EPRS1: variants seen among roughly 807,000 people sequenced by gnomAD.
EPRS1 encodes the protein bifunctional glutamate/proline--tRNA ligase.
EPRS1 carries 107 observed loss-of-function variants against 188.3 expected under a neutral mutation model. The ratio of observed to expected loss-of-function variants is 0.57; its 90% CI spans 0.49 to 0.67. The LOEUF (loss-of-function observed/expected upper bound fraction) is 0.67, where lower values mean the gene tolerates loss of function less well. Ranked by LOEUF, EPRS1 falls within the 30% of genes least tolerant of loss-of-function variation. The pLI is 0.00. For missense variants in EPRS1, 1,577 were observed against 1,802.2 expected, an observed-to-expected ratio of 0.88 and a Z score of 2.26; for synonymous variants, 596 against 593.1, an observed-to-expected ratio of 1.00 and a Z score of -0.07.
In EPRS1 at chr1:219,979,558, CA is replaced by C. The variant is rs1478895782; in HGVS notation, c.3768del (p.Phe1256LeufsTer20). 3 of 1,613,844 alleles carry C rather than the reference CA, an allele frequency of 1.9e-6. No homozygotes were observed. Among genetic ancestry groups the C allele is most frequent in the Non-Finnish European group, 1.7e-6 (2 of 1,179,936 alleles). The part of the protein sequence containing the change: ...QNFSKMFEIV[F>X]EDPKIPGEKQ... ...TTCTCTCCTGGTATCTTTGGATCTT[CA>C]AAAACGATTTCAAACATTTTGGAAA... On this transcript the variant is annotated frameshift_variant, in exon 27 of 32. Transcript: ENST00000366923. LOFTEE classifies it high-confidence loss of function.
At chr1:220,014,102 C>A (rs1012343976) in intron 12 of EPRS1, among the ~76,000 whole-genome samples, 1 of 152,084 alleles carries the variant, frequency 6.6e-6, no homozygotes, top group Non-Finnish European at 1.5e-5. Context: ...CCGAAGTGGG[C>A]GGATCACCTG....
At chr1:220,027,352 C>A (rs571428476) in intron 6 of EPRS1, among the ~76,000 whole-genome samples, 2 of 151,550 alleles carry the variant, frequency 1.3e-5, no homozygotes, top group Admixed American at 1.3e-4. Context: ...GGCGTGAACC[C>A]GGGAGGTGGA....
intron 12 of EPRS1, among the ~76,000 whole-genome samples, chr1:220,011,895 G>C (rs1159106971): frequency 6.6e-6 from 1 of 152,190 alleles, no homozygotes; most frequent in Non-Finnish European, 1.5e-5. Flanking sequence ...GATGAAAGCA[G>C]AGTCAAACAG....
chr1:220,044,609 G>A (rs1273360072), intron 1 of EPRS1, among the ~76,000 whole-genome samples: 2 of 141,252 alleles, frequency 1.4e-5, no homozygotes, highest in Non-Finnish European at 3.0e-5. Flanking sequence ...ACCTCTAAGC[G>A]CAACTACTCG....
At chr1:220,004,772 GA>G (rs549728496) in intron 16 of EPRS1, among the ~76,000 whole-genome samples, 91 of 149,406 alleles carry the variant, frequency 6.1e-4, no homozygotes, top group African/African-American at 1.2e-3. Context: ...AAACAGAAAA[GA>G]AAAAAAAGGG....
At chr1:219,975,924 A>G (rs1453034736) in intron 28 of EPRS1, among the ~76,000 whole-genome samples, 3 of 152,166 alleles carry the variant, frequency 2.0e-5, no homozygotes, top group Admixed American at 1.3e-4. Context: ...TGATAGCTCA[A>G]AAGCAATGAG....
intron 10 of EPRS1, 56 bp from the exon 11 acceptor site, chr1:220,019,135 G>C (rs968791856): frequency 2.9e-6 from 3 of 1,022,306 alleles, no homozygotes; most frequent in Non-Finnish European, 4.6e-6. Flanking sequence ...TAGATGTGGA[G>C]AGTAGAAGAT....
chr1:219,990,481 T>A (rs1460976822), intron 18 of EPRS1, among the ~76,000 whole-genome samples: 2 of 152,144 alleles, frequency 1.3e-5, no homozygotes, highest in African/African-American at 4.8e-5. Flanking sequence ...ACGTGGTATC[T>A]TATTTAACTC....
chr1:220,018,850 TAAA>T (rs34320023), intron 11 of EPRS1, 142 bp downstream of exon 11: 1,218 of 354,294 alleles, frequency 3.4e-3, no homozygotes, highest in Non-Finnish European at 4.3e-3. Context: ...AAGTTTGTTT[TAAA>T]AAAAAAAAAA....
intron 11 of EPRS1, 74 bp downstream of exon 11, chr1:220,018,921 T>C (rs1661798738): frequency 1.1e-6 from 1 of 874,944 alleles, no homozygotes; most frequent in African/African-American, 1.8e-5. Flanking sequence ...ACAGAGATAA[T>C]AAAGAGTAAA....
At position 220,035,028 on chromosome 1, in the gene EPRS1, C is replaced by A. The variant is rs377264748; in HGVS notation, c.132-15G>T. ...ATATCACATTTCTAGAATATAAGCA[C>A]GAGATAAAATATTACTGCTGCTCTA... On this transcript the variant is annotated splice_polypyrimidine_tract_variant and intron_variant, in intron 2 of 31. Transcript: ENST00000366923. 38 of 1,337,440 alleles carry A rather than the reference C, an allele frequency of 2.8e-5. No individual in the cohort carries two copies. The highest frequency in any genetic ancestry group is 4.0e-5 in the Non-Finnish European group (38 of 952,774). The allele number at this position is 1,337,440 out of a possible 1,614,324, so 82.8% of individuals were successfully genotyped here. A position where few individuals can be genotyped will look rare whatever the true frequency, so the allele number is the denominator to read the frequency against.
intron 4 of EPRS1, 152 bp downstream of exon 4, chr1:220,033,350 G>A: frequency 2.0e-6 from 1 of 508,340 alleles, no homozygotes; most frequent in African/African-American, 2.0e-5. Context: ...CAGCCAGGGA[G>A]GTCATTCCCC....
intron 5 of EPRS1, among the ~76,000 whole-genome samples, chr1:220,031,054 T>C (rs1662074019): frequency 6.7e-6 from 1 of 149,520 alleles, no homozygotes; most frequent in Non-Finnish European, 1.5e-5. Context: ...ATCATGCCAC[T>C]GCACTCCAGC....
intron 24 of EPRS1, 49 bp from the exon 25 acceptor site, chr1:219,980,906 T>G: frequency 1.5e-6 from 1 of 679,482 alleles, no homozygotes; most frequent in South Asian, 2.8e-5. Context: ...GCTTTTCAAT[T>G]TTTTTTTTTT....
chr1:219,978,523 A>G, intron 28 of EPRS1, 23 bp downstream of exon 28: 1 of 1,519,784 alleles, frequency 6.6e-7, no homozygotes, highest in Non-Finnish European at 8.9e-7. Flanking sequence ...GTTGGGGGTA[A>G]AAGATAAAGC....
intron 17 of EPRS1, among the ~76,000 whole-genome samples, chr1:220,000,491 TA>T (rs1371034301): frequency 6.6e-6 from 1 of 152,244 alleles, no homozygotes; most frequent in Admixed American, 6.5e-5. Context: ...AAGAGATCTG[TA>T]AAAATTTAAA....
rs763262450 is a variant in EPRS1, at chr1:219,980,101, C to T, written c.3695G>A (p.Ser1232Asn). 6.2e-7 allele frequency: 1 copy of T among 1,613,824 alleles called. No individual in the cohort carries two copies. The highest frequency in any genetic ancestry group is 1.7e-5 in the Admixed American group (1 of 60,016). The change falls in exon 26 of 32, where the codon AGT (serine) becomes AAT (asparagine). Residue 1232 changes from serine (S) to asparagine (N), a missense_variant. Physicochemically the swap from Ser to Asn is conservative, Grantham distance 46. This residue lies in a region of EPRS1 where 1,278 missense variants were observed against 1,457.4 expected (regional missense o/e 0.88). Coordinates refer to ENST00000366923, the MANE Select transcript of EPRS1 (RefSeq NM_004446.3). ...GTTTGATACCTGGATAGCTCTTCCA[C>T]TAGCAGATATAAATGCTTCTATTGT... ...TTTIEAFISA[S>N]GRAIQGGTSH...
At chr1:219,976,742 TATGAAAGGGGATA>T (rs1453559985) in intron 28 of EPRS1, among the ~76,000 whole-genome samples, 1 of 152,046 alleles carries the variant, frequency 6.6e-6, no homozygotes, top group Non-Finnish European at 1.5e-5. Context: ...GAAAACGGCA[TATGAAAGGGGATA>T]ATGAAAAGTG....
chr1:219,976,388 G>C (rs1660780528), intron 28 of EPRS1, among the ~76,000 whole-genome samples: 1 of 152,138 alleles, frequency 6.6e-6, no homozygotes, highest in Non-Finnish European at 1.5e-5. Flanking sequence ...AGAAACACTA[G>C]TCAGACAGCT....
Sources: gnomAD v4.1 joint callset for allele counts (sites outside exome capture counted in the v4.1 genomes callset) on GRCh38, gnomAD v4.1.1 for gene constraint, gnomAD v4.1.1 regional missense constraint, MANE v1.5 for transcripts, NCBI Gene and HGNC (gene_info 2026-07-23, HGNC 2026-07-21) for gene names.